PAX5: variants seen among roughly 807,000 people sequenced by gnomAD.
PAX5 encodes the protein paired box protein Pax-5.
In PAX5, 9 loss-of-function variants were observed where a neutral mutation model predicts 43.7. The ratio of observed to expected loss-of-function variants is 0.21; its 90% CI spans 0.12 to 0.36. PAX5 has a LOEUF of 0.36. Ranked by LOEUF, PAX5 falls within the 10% of genes least tolerant of loss-of-function variation. The probability of loss-of-function intolerance (pLI) is 1.00; values close to 1 mark genes in which losing one functional copy is unlikely to be tolerated. For missense variants in PAX5, 383 were observed against 532.7 expected (o/e 0.72, Z 2.77); for synonymous variants, 228 against 214.3 (o/e 1.06, Z -0.56).
intron 2 of PAX5, 99 bp downstream of exon 2, chr9:37,020,537 A>C (rs1839766953): frequency 1.6e-6 from 2 of 1,247,406 alleles, no homozygotes; most frequent in Non-Finnish European, 2.3e-6. Flanking sequence ...AAATGCCACC[A>C]TGATTCTCAC....
chr9:36,979,212 T>C (rs1356701596), intron 5 of PAX5, among the ~76,000 whole-genome samples: 1 of 152,198 alleles, frequency 6.6e-6, no homozygotes, highest in Non-Finnish European at 1.5e-5. Flanking sequence ...ACGTGTGTCA[T>C]CTCCTGTCCC....
At chr9:36,869,149 T>G (rs531690340) in intron 8 of PAX5, among the ~76,000 whole-genome samples, 3 of 152,282 alleles carry the variant, frequency 2.0e-5, no homozygotes, top group Non-Finnish European at 4.4e-5. Context: ...TTGGTCCAGA[T>G]GAAGACTGAC....
At chr9:36,886,338 C>G (rs866809807) in intron 7 of PAX5, among the ~76,000 whole-genome samples, 1 of 152,202 alleles carries the variant, frequency 6.6e-6, no homozygotes, top group Admixed American at 6.5e-5. Context: ...TCTAAGAACA[C>G]GTATCAAATT....
At chr9:36,851,065 T>C (rs1233962797) in intron 8 of PAX5, among the ~76,000 whole-genome samples, 1 of 152,236 alleles carries the variant, frequency 6.6e-6, no homozygotes, top group African/African-American at 2.4e-5. Flanking sequence ...ACTGGTTTTG[T>C]GGCCTTGGGC....
At chr9:36,998,512 A>G (rs1837583603) in intron 5 of PAX5, among the ~76,000 whole-genome samples, 1 of 152,236 alleles carries the variant, frequency 6.6e-6, no homozygotes, top group Non-Finnish European at 1.5e-5. Flanking sequence ...ACCAAGGAGC[A>G]CTTACTGAGC....
At chr9:36,850,236 G>T (rs753296678) in intron 8 of PAX5, among the ~76,000 whole-genome samples, 11 of 152,234 alleles carry the variant, frequency 7.2e-5, no homozygotes, top group Non-Finnish European at 1.3e-4. Context: ...TCTCATTAGG[G>T]CTGGGATCAG....
At chr9:36,945,628 A>G (rs549307088) in intron 6 of PAX5, among the ~76,000 whole-genome samples, 1 of 152,336 alleles carries the variant, frequency 6.6e-6, no homozygotes, top group Admixed American at 6.5e-5. Flanking sequence ...AACACAAGAA[A>G]CAGATCCTAA....
chr9:36,856,906 T>G (rs559720939), intron 8 of PAX5, among the ~76,000 whole-genome samples: 3 of 152,344 alleles, frequency 2.0e-5, no homozygotes, highest in South Asian at 4.1e-4. Context: ...CACTGGCAGA[T>G]GCTTGGCCTG....
At chr9:37,020,248 A>G (rs1839740491) in intron 2 of PAX5, among the ~76,000 whole-genome samples, 1 of 152,242 alleles carries the variant, frequency 6.6e-6, no homozygotes, top group Non-Finnish European at 1.5e-5. Context: ...GACTTTTAAA[A>G]GTGGAATATG....
intron 8 of PAX5, among the ~76,000 whole-genome samples, chr9:36,848,895 A>T (rs895949115): frequency 6.6e-6 from 1 of 152,206 alleles, no homozygotes; most frequent in African/African-American, 2.4e-5. Flanking sequence ...TGGCTCCTGC[A>T]AAGGGCCATA....
At chr9:36,929,296 T>TGA (rs141420738) in intron 6 of PAX5, among the ~76,000 whole-genome samples, 4 of 141,138 alleles carry the variant, frequency 2.8e-5, no homozygotes, top group East Asian at 2.1e-4. Flanking sequence ...GAAGGATGGA[T>TGA]GAGAGAGAGA....
chr9:36,855,865 A>G lies in PAX5; in HGVS notation c.1013-8936T>C, dbSNP rs139927349. 1.7e-3 allele frequency among the ~76,000 whole-genome samples: 265 copies of G among 151,836 alleles called. 1 individual carries two copies. The highest frequency in any genetic ancestry group is 6.2e-3 in the African/African-American group (256 of 41,394). On this transcript the variant is annotated intron_variant, in intron 8 of 9. Coordinates refer to ENST00000358127, the MANE Select transcript of PAX5 (RefSeq NM_016734.3). ...ACCTTCCTTCCCTTCCTCATGTCCA[A>G]TTCTCCTATTTGTCAAGACCCAGCT...
chr9:36,843,069 C>CGT lies in PAX5; in HGVS notation c.1100-2435_1100-2434dup, dbSNP rs557269826. On this transcript the variant is annotated intron_variant, in intron 9 of 9. Transcript: ENST00000358127. The stretch of plus-strand genomic sequence containing the variant: ...GTGTGTGAGTGTATCAGTGTGTGAG[C>CGT]GTGTGTGTGCCTGTGTGTGTGTGCG... Among the ~76,000 whole-genome samples the CGT allele has an allele frequency of 1.1e-3, 166 of 151,046 alleles. 1 individual carries two copies. Among genetic ancestry groups the CGT allele is most frequent in the African/African-American group, 3.9e-3 (162 of 41,180 alleles).
rs530641670 is a variant in PAX5 at position 36,974,943 on chromosome 9, G to T, written c.605-8219C>A. On this transcript the variant is annotated intron_variant, in intron 5 of 9. Coordinates refer to ENST00000358127, the MANE Select transcript of PAX5 (RefSeq NM_016734.3). ...TGTGTCTCTTCCCCACTGCTCCCCAGTGCCCCTGGACATTCTGCTCCCTCT... is the reference window on the plus strand; with the variant it reads ...TGTGTCTCTTCCCCACTGCTCCCCATTGCCCCTGGACATTCTGCTCCCTCT... Among the ~76,000 whole-genome samples the T allele has an allele frequency of 1.1e-3, 171 of 152,184 alleles. 1 individual carries two copies. The highest frequency in any genetic ancestry group is 3.7e-3 in the African/African-American group (153 of 41,514).
intron 1 of PAX5, among the ~76,000 whole-genome samples, chr9:37,029,306 C>G (rs1840728791): frequency 6.6e-6 from 1 of 152,210 alleles, no homozygotes; most frequent in Non-Finnish European, 1.5e-5. Context: ...GGGGTCGACT[C>G]TTGGGCCCAC....
chr9:37,020,585 T>A (rs1839771690), intron 2 of PAX5, 51 bp downstream of exon 2: 1 of 1,571,278 alleles, frequency 6.4e-7, no homozygotes, highest in Non-Finnish European at 8.8e-7. Flanking sequence ...TGGGTCATGT[T>A]TTAGGTCTTT....
intron 7 of PAX5, among the ~76,000 whole-genome samples, chr9:36,887,307 A>G (rs762607705): frequency 6.6e-6 from 1 of 152,224 alleles, no homozygotes; most frequent in African/African-American, 2.4e-5. Context: ...GATCCAATCC[A>G]TATTGGATTA....
intron 9 of PAX5, among the ~76,000 whole-genome samples, chr9:36,843,419 GCTT>G (rs1822268651): frequency 6.6e-6 from 1 of 152,198 alleles, no homozygotes; most frequent in Non-Finnish European, 1.5e-5. Flanking sequence ...TGGGATCACT[GCTT>G]CCTCTGCCCT....
At chr9:37,025,839 T>C (rs547298240) in intron 1 of PAX5, among the ~76,000 whole-genome samples, 19 of 152,274 alleles carry the variant, frequency 1.2e-4, no homozygotes, top group Non-Finnish European at 2.4e-4. Context: ...TTCTTTTTCG[T>C]TTCTTATCCT....
Sources: allele counts gnomAD v4.1 joint callset (sites outside exome capture counted in the v4.1 genomes callset), GRCh38; gene constraint gnomAD v4.1.1; transcripts MANE v1.5; gene names NCBI Gene and HGNC (gene_info 2026-07-23, HGNC 2026-07-21).